ETV1: variants seen among roughly 807,000 people sequenced by gnomAD.
ETV1 encodes the protein ETS variant transcription factor 1, also known as ETS translocation variant 1.
ETV1 carries 27 observed loss-of-function variants against 62.3 expected under a neutral mutation model. The ratio of observed to expected loss-of-function variants is 0.43; its 90% CI spans 0.32 to 0.60. The LOEUF is 0.60. Among genes scored for constraint, ETV1 ranks in the 20% least tolerant of loss-of-function variants. The pLI is 0.06. For synonymous variants in ETV1, 222 were observed against 199.6 expected, an observed-to-expected ratio of 1.11 and a Z score of -0.94; for missense variants, 605 against 605.8, an observed-to-expected ratio of 1.00 and a Z score of 0.01.
At chr7:13,901,656 C>A (rs1562585985) in intron 12 of ETV1, among the ~76,000 whole-genome samples, 1 of 152,092 alleles carries the variant, frequency 6.6e-6, no homozygotes, top group African/African-American at 2.4e-5. Flanking sequence ...GGAAACAGTA[C>A]ACAAATTAAT....
intron 9 of ETV1, among the ~76,000 whole-genome samples, chr7:13,925,558 C>A (rs74907641): frequency 0.037 from 5,506 of 148,546 alleles, 149 homozygotes; most frequent in East Asian, 0.13. Context: ...TTCAACTATA[C>A]ATTAATTGAT....
Position 13,909,679 on chromosome 7 carries a change from G to A in ETV1, c.893C>T (p.Pro298Leu). The A allele has an allele frequency of 6.2e-7, 1 of 1,613,198 alleles. No individual in the cohort carries two copies. The highest frequency in any genetic ancestry group is 8.5e-7 in the Non-Finnish European group (1 of 1,179,362). Reference protein sequence around the residue: ...RTEGCMFEKGPRQFYDDTCVV... With the variant: ...RTEGCMFEKGLRQFYDDTCVV... Reference sequence around the variant, plus strand: ...ACAGGTGTCATCATAAAACTGCCTGGGGCCCTTTTCAAACATACAGCCTGT... The same window carrying A: ...ACAGGTGTCATCATAAAACTGCCTGAGGCCCTTTTCAAACATACAGCCTGT... The change falls in exon 11 of 14, where the codon CCC (proline) becomes CTC (leucine). Residue 298 changes from proline to leucine, a missense_variant. By Grantham distance (98) the Pro-to-Leu change is moderately conservative. Coordinates refer to ENST00000430479, the MANE Select transcript of ETV1 (RefSeq NM_004956.5).
chr7:13,949,720 C>A lies in ETV1; in HGVS notation c.236-10474G>T, dbSNP rs79378740. Reference sequence around the variant, plus strand: ...TGAATTATGTCTGTGACAAAACAAGCGATAACATTTCTAAACTGCTATCAA... The same window carrying A: ...TGAATTATGTCTGTGACAAAACAAGAGATAACATTTCTAAACTGCTATCAA... On this transcript the variant is annotated intron_variant, in intron 6 of 13. Coordinates refer to ENST00000430479, the MANE Select transcript of ETV1 (RefSeq NM_004956.5). 4.2e-3 allele frequency among the ~76,000 whole-genome samples: 639 copies of A among 152,198 alleles called. 1 individual carries two copies. The highest frequency in any genetic ancestry group is 5.4e-3 in the Non-Finnish European group (368 of 68,010).
In ETV1 at chr7:13,902,366, A is replaced by T. The variant is rs193069923; in HGVS notation, c.1111-1527T>A. The stretch of plus-strand genomic sequence containing the variant: ...GAAATAAAGTACTTTAATGACATGC[A>T]TCAGTATGTTTTTTAAGAGTAGAGA... On this transcript the variant is annotated intron_variant, in intron 12 of 13. Coordinates refer to ENST00000430479, the MANE Select transcript of ETV1 (RefSeq NM_004956.5). Among the ~76,000 whole-genome samples the T allele has an allele frequency of 3.0e-3, 463 of 152,044 alleles. 3 individuals are homozygous for T. Among genetic ancestry groups the T allele is most frequent in the Non-Finnish European group, 2.1e-3 (145 of 68,008 alleles).
chr7:13,951,877 T>C (rs538103715), intron 6 of ETV1, among the ~76,000 whole-genome samples: 1 of 152,274 alleles, frequency 6.6e-6, no homozygotes, highest in Admixed American at 6.5e-5. Context: ...AGTAAATGTT[T>C]GTTACTACTA....
At chr7:13,953,045 T>G (rs1358139646) in intron 6 of ETV1, among the ~76,000 whole-genome samples, 1 of 152,180 alleles carries the variant, frequency 6.6e-6, no homozygotes, top group African/African-American at 2.4e-5. Flanking sequence ...TAATCAGTTT[T>G]GCATTTTGCA....
intron 6 of ETV1, among the ~76,000 whole-genome samples, chr7:13,956,116 A>G (rs1789421387): frequency 6.6e-6 from 1 of 152,224 alleles, no homozygotes; most frequent in African/African-American, 2.4e-5. Flanking sequence ...GATATGATCT[A>G]GTGATAAAGA....
At chr7:13,901,676 T>G (rs1782447951) in intron 12 of ETV1, among the ~76,000 whole-genome samples, 1 of 152,212 alleles carries the variant, frequency 6.6e-6, no homozygotes, top group Non-Finnish European at 1.5e-5. Context: ...TAAACCGAAC[T>G]GCAAATACTT....
intron 12 of ETV1, among the ~76,000 whole-genome samples, chr7:13,905,781 A>G (rs956142586): frequency 3.9e-5 from 6 of 152,050 alleles, no homozygotes; most frequent in Non-Finnish European, 8.8e-5. Flanking sequence ...ACTTCATCCC[A>G]ACCTTCCAAT....
intron 5 of ETV1, chr7:13,986,292 C>G (rs1353306183): frequency 3.3e-6 from 5 of 1,507,064 alleles, no homozygotes; most frequent in Non-Finnish European, 4.4e-6. Flanking sequence ...CGGGTTCTGG[C>G]TCTAGGAGGT....
chr7:13,967,062 A>C (rs903032615), intron 6 of ETV1, among the ~76,000 whole-genome samples: 1 of 152,218 alleles, frequency 6.6e-6, no homozygotes, highest in African/African-American at 2.4e-5. Context: ...TAAAATAAGA[A>C]CTGTTATACA....
chr7:13,915,802 C>T (rs1387366132), intron 9 of ETV1, among the ~76,000 whole-genome samples: 1 of 151,564 alleles, frequency 6.6e-6, no homozygotes, highest in Non-Finnish European at 1.5e-5. Context: ...TATTGCAGAA[C>T]AAGTCTAAAA....
At chr7:13,931,077 G>A (rs1243722823) in intron 9 of ETV1, among the ~76,000 whole-genome samples, 3 of 151,952 alleles carry the variant, frequency 2.0e-5, no homozygotes, top group Admixed American at 6.6e-5. Flanking sequence ...CCACTGCACC[G>A]GGACCCCAGT....
At chr7:13,989,921 C>T (rs1583926293), upstream of ETV1, 2 of 262,194 alleles carry the variant, frequency 7.6e-6, no homozygotes, top group East Asian at 1.4e-4. Context: ...TAACCCGCTG[C>T]TTATTGTTAA....
At position 13,988,996 on chromosome 7, in the gene ETV1, C is replaced by G. The variant is rs766604791; in HGVS notation, c.45+12G>C. The G allele has an allele frequency of 1.9e-6, 3 of 1,550,204 alleles. No individual in the cohort carries two copies. The highest frequency in any genetic ancestry group is 2.4e-5 in the East Asian group (1 of 40,836). ...AAGTTTATAAACAGCAACTTTCAAA[C>G]TGATCACTCACATTGGTGACCATGT... On this transcript the variant is annotated intron_variant, in intron 3 of 13. Coordinates refer to ENST00000430479, the MANE Select transcript of ETV1 (RefSeq NM_004956.5).
chr7:13,930,773 T>C (rs1217598748), intron 9 of ETV1, among the ~76,000 whole-genome samples: 1 of 150,838 alleles, frequency 6.6e-6, no homozygotes, highest in Non-Finnish European at 1.5e-5. Flanking sequence ...TACGAACACT[T>C]AGAATCTTTG....
rs544906784 is a variant in ETV1 at position 13,925,736 on chromosome 7, T to C, written c.802+5766A>G. ...ACCCGCCACTGCGCCCGGCTAATTTTTTGTATTTTTTTTAGTAGAGACGGG... is the reference window on the plus strand; with the variant it reads ...ACCCGCCACTGCGCCCGGCTAATTTCTTGTATTTTTTTTAGTAGAGACGGG... On this transcript the variant is annotated intron_variant, in intron 9 of 13. Coordinates refer to ENST00000430479, the MANE Select transcript of ETV1 (RefSeq NM_004956.5). Among the ~76,000 whole-genome samples the C allele has an allele frequency of 1.5e-4, 17 of 115,366 alleles. No individual in the cohort carries two copies. In the East Asian group the frequency reaches 4.0e-3, roughly 27 times the overall value. The allele number at this position is 115,366 out of a possible 152,430, so 75.7% of individuals were successfully genotyped here. A position where few individuals can be genotyped will look rare whatever the true frequency, so the allele number is the denominator to read the frequency against.
chr7:13,990,868 G>C (rs1017393344), upstream of ETV1, among the ~76,000 whole-genome samples: 1 of 152,168 alleles, frequency 6.6e-6, no homozygotes, highest in South Asian at 2.1e-4. Flanking sequence ...GTTAGGAAAC[G>C]TGCTGCAGTT....
intron 13 of ETV1, among the ~76,000 whole-genome samples, chr7:13,899,250 G>C (rs1311446091): frequency 6.6e-6 from 1 of 152,162 alleles, no homozygotes; most frequent in East Asian, 1.9e-4. Flanking sequence ...CAAAAAGGTA[G>C]GTGAGAGAAA....
Sources: gnomAD v4.1 joint callset for allele counts (sites outside exome capture counted in the v4.1 genomes callset) on GRCh38, gnomAD v4.1.1 for gene constraint, MANE v1.5 for transcripts, NCBI Gene and HGNC (gene_info 2026-07-23, HGNC 2026-07-21) for gene names.